The following PGK1 variants were observed in gnomAD, a reference collection of about 807,000 sequenced individuals.
PGK1 encodes PRP 2.
In PGK1, 3 loss-of-function variants were observed where a neutral mutation model predicts 26.9. The observed-to-expected ratio is 0.11, with a 90% CI of 0.05 to 0.29. The LOEUF is 0.29. PGK1 is among the 10% of genes least tolerant of loss of function. PGK1 has a pLI of 1.00. For missense variants in PGK1, 270 were observed against 314.7 expected (o/e 0.86, Z 1.07); for synonymous variants, 125 against 115.3 (o/e 1.08, Z -0.54).
chrX:78,124,459 GT>G (rs781795870), intron 8 of PGK1, among the ~76,000 whole-genome samples: 3 of 110,758 alleles, frequency 2.7e-5, no homozygotes, highest in South Asian at 3.9e-4. Flanking sequence ...GACATCTGTT[GT>G]TTTGTGGGGG....
At position 78,125,938 on chromosome X, in the gene PGK1, G is replaced by T. The variant is rs1043866940; in HGVS notation, c.*108G>T. The T allele has an allele frequency of 8.9e-6, 6 of 670,608 alleles. No individual in the cohort carries two copies. Among genetic ancestry groups the T allele is most frequent in the Non-Finnish European group, 1.5e-5 (6 of 405,363 alleles). The allele number at this position is 670,608 out of a possible 1,213,427, so 55.3% of individuals were successfully genotyped here. ...CCTTCCATGTCAAGATTCAGCTAGT[G>T]GCCAAGAGATGCAGTGCCAGGAACC... On this transcript the variant is annotated 3_prime_UTR_variant, in exon 11 of 11. Coordinates refer to ENST00000373316, the MANE Select transcript of PGK1 (RefSeq NM_000291.4).
intron 2 of PGK1, among the ~76,000 whole-genome samples, chrX:78,110,501 G>A (rs1414200235): frequency 1.8e-5 from 2 of 109,273 alleles, no homozygotes; most frequent in Non-Finnish European, 3.8e-5. Context: ...GGCTGGGTGC[G>A]GTGGCTCACA....
intron 1 of PGK1, among the ~76,000 whole-genome samples, chrX:78,108,472 T>G (rs2078282837): frequency 8.9e-6 from 1 of 112,531 alleles, no homozygotes; most frequent in Non-Finnish European, 1.9e-5. Flanking sequence ...ATCAGAGGCT[T>G]ACTGCCTTTA....
Position 78,122,922 on chromosome X carries a change from C to T in PGK1, c.729C>T (p.Thr243=). Residue 243 remains threonine (T), a synonymous_variant, in exon 7 of 11, where the codon ACC becomes ACT. Transcript: ENST00000373316. The part of the protein sequence containing the change: ...EMIIGGGMAF[T]FLKVLNNMEI... The stretch of plus-strand genomic sequence containing the variant: ...TTATTGGTGGTGGAATGGCTTTTAC[C>T]TTCCTTAAGGTGCTCAACAACATGG... The T allele has an allele frequency of 2.5e-6, 3 of 1,181,827 alleles. No individual in the cohort carries two copies. The highest frequency in any genetic ancestry group is 3.5e-6 in the Non-Finnish European group (3 of 868,379).
intron 2 of PGK1, among the ~76,000 whole-genome samples, chrX:78,113,125 C>T (rs2078309081): frequency 9.0e-6 from 1 of 111,006 alleles, no homozygotes; most frequent in African/African-American, 3.3e-5. Context: ...CATGGTAAAA[C>T]CCCTACAAAA....
intron 2 of PGK1, among the ~76,000 whole-genome samples, chrX:78,112,712 A>G (rs934093469): frequency 8.9e-6 from 1 of 112,057 alleles, no homozygotes; most frequent in Non-Finnish European, 1.9e-5. Context: ...GATCACCCAC[A>G]TATCTCATGA....
intron 4 of PGK1, 138 bp downstream of exon 4, chrX:78,114,298 G>T (rs190477593): frequency 1.3e-5 from 8 of 636,043 alleles, no homozygotes; most frequent in East Asian, 6.5e-5. Flanking sequence ...CAGCTTGATG[G>T]GTTATCTCAA....
intron 2 of PGK1, among the ~76,000 whole-genome samples, chrX:78,112,365 G>C (rs1190428894): frequency 8.9e-6 from 1 of 112,433 alleles, no homozygotes; most frequent in Admixed American, 9.4e-5. Flanking sequence ...AATATTTGAT[G>C]AATAAATAAA....
At chrX:78,118,689 A>G (rs980619375) in intron 6 of PGK1, among the ~76,000 whole-genome samples, 2 of 111,906 alleles carry the variant, frequency 1.8e-5, no homozygotes, top group Admixed American at 1.9e-4. Flanking sequence ...TGGGGCTACC[A>G]ACAGGCATCA....
intron 1 of PGK1, 53 bp downstream of exon 1, chrX:78,104,458 T>C (rs1557245957): frequency 1.1e-6 from 1 of 945,985 alleles, no homozygotes; most frequent in East Asian, 3.1e-5. Context: ...CAAACCTCTT[T>C]GGCCGGAGCC....
At chrX:78,124,421 C>G (rs1414948281) in intron 8 of PGK1, among the ~76,000 whole-genome samples, 1 of 111,193 alleles carries the variant, frequency 9.0e-6, no homozygotes, top group Non-Finnish European at 1.9e-5. Context: ...TACTACTGAT[C>G]TAGTTTACTG....
intron 10 of PGK1, 40 bp downstream of exon 10, chrX:78,125,465 T>G (rs2078378422): frequency 3.2e-6 from 3 of 926,555 alleles, no homozygotes; most frequent in Non-Finnish European, 4.7e-6. Context: ...GGGATAAGGG[T>G]GGACTGTGCA....
In PGK1 at chrX:78,113,725, T is replaced by C; in HGVS notation, c.117-19T>C. 1 of 1,203,574 alleles carries C rather than the reference T, an allele frequency of 8.3e-7. No individual in the cohort carries two copies. The highest frequency in any genetic ancestry group is 1.1e-6 in the Non-Finnish European group (1 of 888,880). On this transcript the variant is annotated intron_variant, in intron 2 of 10. Coordinates refer to ENST00000373316, the MANE Select transcript of PGK1 (RefSeq NM_000291.4). ...CTAGGAGTAACTTCATTCTGTTTGT[T>C]GTCTCTCTTTGGTTGCAGGATTAAG...
intron 2 of PGK1, among the ~76,000 whole-genome samples, chrX:78,112,241 A>G (rs1231382937): frequency 8.9e-6 from 1 of 111,770 alleles, no homozygotes; most frequent in African/African-American, 3.3e-5. Flanking sequence ...ATACATGTTT[A>G]TTGTCTCTCT....
At chrX:78,107,397 C>A (rs782358530) in intron 1 of PGK1, among the ~76,000 whole-genome samples, 1 of 111,001 alleles carries the variant, frequency 9.0e-6, no homozygotes, top group African/African-American at 3.3e-5. Context: ...TAATAATAAC[C>A]ACCCCCCTTC....
chrX:78,125,761 T>C lies in PGK1; in HGVS notation c.1214-29T>C, dbSNP rs782326378. On this transcript the variant is annotated intron_variant, in intron 10 of 10. Transcript: ENST00000373316. ...CTTACTGGGCCCTATAGTAATGCTG[T>C]CTATGTATGTGTGCTCTCTCAAAAA... The C allele has an allele frequency of 3.7e-5, 43 of 1,158,118 alleles. No individual in the cohort carries two copies. In the Admixed American group the frequency reaches 5.9e-4, roughly 16 times the overall value.
At chrX:78,109,747 C>G in intron 1 of PGK1, 120 bp from the exon 2 acceptor site, 1 of 569,267 alleles carries the variant, frequency 1.8e-6, no homozygotes, top group Middle Eastern at 3.2e-4. Flanking sequence ...TTTAATGCCA[C>G]TGATTATTTT....
At chrX:78,119,381 C>T (rs932316035) in intron 6 of PGK1, among the ~76,000 whole-genome samples, 6 of 111,544 alleles carry the variant, frequency 5.4e-5, no homozygotes, top group Non-Finnish European at 9.4e-5. Flanking sequence ...GCTAGCACTG[C>T]TTGGATAAGA....
intron 7 of PGK1, 89 bp from the exon 8 acceptor site, chrX:78,123,106 T>G: frequency 1.3e-6 from 1 of 784,155 alleles, no homozygotes; most frequent in South Asian, 2.1e-5. Flanking sequence ...TCCTTTATAT[T>G]GTATTGTGTC....
Sources: allele counts gnomAD v4.1 joint callset (sites outside exome capture counted in the v4.1 genomes callset), GRCh38; gene constraint gnomAD v4.1.1; transcripts MANE v1.5; gene names NCBI Gene and HGNC (gene_info 2026-07-23, HGNC 2026-07-21).